TBX15: variants seen among roughly 807,000 people sequenced by gnomAD.
The protein encoded by TBX15 is T-box transcription factor 15, also known as T-box transcription factor TBX15.
In TBX15, 18 loss-of-function variants were observed where a neutral mutation model predicts 53.9. The ratio of observed to expected loss-of-function variants is 0.33; its 90% CI spans 0.23 to 0.49. The LOEUF (loss-of-function observed/expected upper bound fraction) is 0.49, where lower values mean the gene tolerates loss of function less well. Ranked by LOEUF, TBX15 falls within the 20% of genes least tolerant of loss-of-function variation. The probability of loss-of-function intolerance (pLI) is 0.98; values close to 1 mark genes in which losing one functional copy is unlikely to be tolerated. For synonymous variants in TBX15, 295 were observed against 278.0 expected, an observed-to-expected ratio of 1.06 and a Z score of -0.61; for missense variants, 692 against 749.5, an observed-to-expected ratio of 0.92 and a Z score of 0.90.
At chr1:118,909,651 C>T (rs770285116) in intron 6 of TBX15, among the ~76,000 whole-genome samples, 9 of 152,192 alleles carry the variant, frequency 5.9e-5, no homozygotes, top group African/African-American at 1.2e-4. Flanking sequence ...GGCATGATTT[C>T]GGCTCACTGC....
intron 1 of TBX15, among the ~76,000 whole-genome samples, chr1:118,984,754 C>T (rs1657773352): frequency 6.6e-6 from 1 of 152,140 alleles, no homozygotes; most frequent in Non-Finnish European, 1.5e-5. Flanking sequence ...TGGGGTTTTT[C>T]GGGGCCACCA....
intron 5 of TBX15, among the ~76,000 whole-genome samples, chr1:118,915,581 C>T (rs998412484): frequency 4.6e-5 from 7 of 152,190 alleles, no homozygotes; most frequent in African/African-American, 1.7e-4. Context: ...AAAGGTTTGG[C>T]TTTCTAAAGT....
At chr1:118,893,356 GGAAA>G (rs200654722) in intron 7 of TBX15, among the ~76,000 whole-genome samples, 5,254 of 50,634 alleles carry the variant, frequency 0.1, 317 homozygotes, top group Middle Eastern at 0.16. Context: ...AAGGAAGGAA[GGAAA>G]GAAAGAAAGA....
At chr1:118,984,386 G>A (rs956826769) in intron 1 of TBX15, among the ~76,000 whole-genome samples, 1 of 152,240 alleles carries the variant, frequency 6.6e-6, no homozygotes, top group African/African-American at 2.4e-5. Context: ...ACCCGGCTTC[G>A]GCAGCACTTA....
At chr1:118,935,264 T>C (rs747946388) in intron 1 of TBX15, among the ~76,000 whole-genome samples, 1 of 152,290 alleles carries the variant, frequency 6.6e-6, no homozygotes, top group Non-Finnish European at 1.5e-5. Context: ...AATAAAGTTA[T>C]CTAAGTCATG....
At chr1:118,913,995 T>C in intron 6 of TBX15, 120 bp downstream of exon 6, 1 of 951,944 alleles carries the variant, frequency 1.1e-6, no homozygotes, top group Non-Finnish European at 1.7e-6. Context: ...TTTGCCGAAG[T>C]GTACACAGTG....
intron 6 of TBX15, among the ~76,000 whole-genome samples, chr1:118,901,924 G>A (rs573400612): frequency 6.6e-6 from 1 of 152,234 alleles, no homozygotes; most frequent in South Asian, 2.1e-4. Context: ...CCATCCAGGG[G>A]TCTGTTACAG....
chr1:118,940,991 G>GAAGAGGGAGGCA (rs1656159792), intron 1 of TBX15, among the ~76,000 whole-genome samples: 1 of 149,736 alleles, frequency 6.7e-6, no homozygotes, highest in African/African-American at 2.6e-5. Context: ...AAACTGGGTG[G>GAAGAGGGAGGCA]TCTTCAAGAT....
chr1:118,937,510 C>G (rs1656008251), intron 1 of TBX15, among the ~76,000 whole-genome samples: 1 of 152,176 alleles, frequency 6.6e-6, no homozygotes, highest in African/African-American at 2.4e-5. Flanking sequence ...ATTCCATAAG[C>G]TCAGTTTAAT....
At chr1:118,889,537 C>T (rs1213852267) in intron 7 of TBX15, among the ~76,000 whole-genome samples, 3 of 152,172 alleles carry the variant, frequency 2.0e-5, no homozygotes, top group Non-Finnish European at 4.4e-5. Flanking sequence ...CCCTCTGTAC[C>T]TGCCAGGTCC....
chr1:118,965,184 G>A (rs1422655474), intron 1 of TBX15, among the ~76,000 whole-genome samples: 63 of 152,164 alleles, frequency 4.1e-4, no homozygotes, highest in Admixed American at 4.1e-3. Flanking sequence ...GATCCTAAAA[G>A]AATGAGTTAA....
At chr1:118,933,198 C>T (rs959637972) in intron 1 of TBX15, among the ~76,000 whole-genome samples, 1 of 152,078 alleles carries the variant, frequency 6.6e-6, no homozygotes. Context: ...TCTCTTGCAA[C>T]CCCAGGCAGC....
chr1:118,941,155 A>G (rs774715851), intron 1 of TBX15, among the ~76,000 whole-genome samples: 23 of 152,148 alleles, frequency 1.5e-4, no homozygotes, highest in Non-Finnish European at 3.4e-4. Flanking sequence ...CACCTCCGAC[A>G]TCAGCCACTG....
chr1:118,942,828 C>T (rs1656231125), intron 1 of TBX15, among the ~76,000 whole-genome samples: 1 of 152,186 alleles, frequency 6.6e-6, no homozygotes, highest in African/African-American at 2.4e-5. Context: ...GGGAAAGGAT[C>T]AAGTTCTACA....
chr1:118,954,351 A>G (rs1241395920), intron 1 of TBX15, among the ~76,000 whole-genome samples: 1 of 152,226 alleles, frequency 6.6e-6, no homozygotes, highest in African/African-American at 2.4e-5. Flanking sequence ...TCAAGGCACA[A>G]GGCAGTTCTA....
chr1:118,914,171 T>C lies in TBX15; in HGVS notation c.870A>G (p.Arg290=). 6.2e-7 allele frequency: 1 copy of C among 1,613,628 alleles called. No individual in the cohort carries two copies. Among genetic ancestry groups the C allele is most frequent in the Non-Finnish European group, 8.5e-7 (1 of 1,179,680 alleles). ...VTAYQNQQIT[R]LKIDRNPFAK... is the part of the protein sequence containing the mutation. ...CAAAAGGGTTTCGGTCAATTTTTAA[T>C]CTGGTAATCTGGAAACAAACAAATA... The change falls in exon 6 of 8, where the codon AGA becomes AGG. Residue 290 remains arginine (R), a synonymous_variant. Coordinates refer to ENST00000369429, the MANE Select transcript of TBX15 (RefSeq NM_001330677.2).
At position 118,884,597 on chromosome 1, in the gene TBX15, T is replaced by C. The variant is rs1236018409; in HGVS notation, c.*135A>G. 1.8e-6 allele frequency: 2 copies of C among 1,104,892 alleles called. No homozygotes were observed. The highest frequency in any genetic ancestry group is 2.7e-5 in the Admixed American group (1 of 37,714). 68.4% of individuals were successfully genotyped at this position (1,104,892 alleles called of 1,614,324 possible). On this transcript the variant is annotated 3_prime_UTR_variant, in exon 8 of 8. Coordinates refer to ENST00000369429, the MANE Select transcript of TBX15 (RefSeq NM_001330677.2). ...TATCTCTTGTTCTTGGGTATATGTC[T>C]TCGGCCAGAAAAAAAAAAAAAAAAA... is the stretch of plus-strand genomic sequence containing the variant.
Position 118,914,125 on chromosome 1 carries a change from C to A in TBX15, c.916G>T (p.Gly306Trp). Residue 306 changes from glycine to tryptophan, a missense_variant, in exon 6 of 8, where the codon GGG becomes TGG. Around this residue, in one of 3 missense-constraint regions of TBX15, gnomAD observed 375 missense variants for 371.6 expected, o/e 1.01. Transcript: ENST00000369429. ...CCCAGTGATTCTTACCTGTTTCTCC[C>A]AGAATCTCTGAATCCTTTAGCAAAA... is the stretch of plus-strand genomic sequence containing the variant. ...NPFAKGFRDS[G>W]RNRTGLEAIM... is the part of the protein sequence containing the mutation. 1 of 1,613,732 alleles carries A rather than the reference C, an allele frequency of 6.2e-7. No homozygotes were observed. The highest frequency in any genetic ancestry group is 8.5e-7 in the Non-Finnish European group (1 of 1,179,786).
In TBX15 at chr1:118,920,091, C is replaced by T. The variant is rs568340659; in HGVS notation, c.861+3345G>A. ...GTGATTTGTCAAAAGTAGTACAGTC[C>T]GTCAATTGCAGAGTTGGGTCTAGAA... is the stretch of plus-strand genomic sequence containing the variant. On this transcript the variant is annotated intron_variant, in intron 5 of 7. Transcript: ENST00000369429. 3.3e-5 allele frequency among the ~76,000 whole-genome samples: 5 copies of T among 152,050 alleles called. No individual in the cohort carries two copies. The East Asian group carries it at 7.7e-4, about 23-fold the overall frequency.
Sources: gnomAD v4.1 joint callset for allele counts (sites outside exome capture counted in the v4.1 genomes callset) on GRCh38, gnomAD v4.1.1 for gene constraint, gnomAD v4.1.1 regional missense constraint, MANE v1.5 for transcripts, NCBI Gene and HGNC (gene_info 2026-07-23, HGNC 2026-07-21) for gene names.